TXNL4A: variants seen among roughly 807,000 people sequenced by gnomAD.
TXNL4A encodes thioredoxin-like protein 4A.
A neutral mutation model predicts 14.6 loss-of-function variants in TXNL4A; 17 were observed. That is an observed-to-expected ratio of 1.16 (90% CI 0.80 to 1.74). TXNL4A has a LOEUF of 1.74. Ranked by LOEUF, TXNL4A falls within the 40% of genes most tolerant of loss-of-function variation. The pLI is 0.00. For synonymous variants in TXNL4A, 83 were observed against 70.6 expected (o/e 1.18, Z -0.88); for missense variants, 74 against 195.2 (o/e 0.38, Z 3.70).
chr18:80,019,998 C>T (rs7236770), intron 1 of TXNL4A, among the ~76,000 whole-genome samples: 10 of 152,218 alleles, frequency 6.6e-5, no homozygotes, highest in African/African-American at 1.7e-4. Context: ...AATTGTAACT[C>T]CCACAATTCC....
At chr18:80,021,030 GATA>G (rs1341703718) in intron 1 of TXNL4A, among the ~76,000 whole-genome samples, 5 of 152,098 alleles carry the variant, frequency 3.3e-5, no homozygotes, top group African/African-American at 1.2e-4. Flanking sequence ...GGGCACAGAG[GATA>G]ATATTATATA....
Position 79,982,493 on chromosome 18 carries a change from T to G in TXNL4A, c.154-4792A>C, listed in dbSNP as rs2051479253. Among the ~76,000 whole-genome samples, 1 of 152,076 alleles carries G rather than the reference T, an allele frequency of 6.6e-6. No homozygotes were observed. Among genetic ancestry groups the G allele is most frequent in the South Asian group, 2.1e-4 (1 of 4,828 alleles). On this transcript the variant is annotated intron_variant, in intron 1 of 2. Coordinates refer to ENST00000269601, the MANE Select transcript of TXNL4A (RefSeq NM_006701.5). The surrounding 1 kb of genome is among the most constrained non-coding windows in gnomAD (Gnocchi z 4.0). ...CAGTGATCCCAGCCAGGGTGGCAGG[T>G]GCCAGGCTTGGGAGTGAGTGCAGAA...
chr18:80,030,199 G>C (rs1433013281), intron 1 of TXNL4A, among the ~76,000 whole-genome samples: 3 of 152,190 alleles, frequency 2.0e-5, no homozygotes, highest in Non-Finnish European at 4.4e-5. Flanking sequence ...AACAGCTGTT[G>C]TGGACTGCTT....
At chr18:79,997,395 C>A (rs1199987599) in intron 1 of TXNL4A, among the ~76,000 whole-genome samples, 1 of 148,540 alleles carries the variant, frequency 6.7e-6, no homozygotes, top group Admixed American at 6.8e-5. Flanking sequence ...AAAACAAAAA[C>A]AAAAAAAAAC....
At chr18:80,003,724 G>C (rs2051711835) in intron 1 of TXNL4A, among the ~76,000 whole-genome samples, 2 of 152,130 alleles carry the variant, frequency 1.3e-5, no homozygotes, top group Admixed American at 6.5e-5. Flanking sequence ...CTGAGAATAG[G>C]TAATTCATAA....
intron 1 of TXNL4A, among the ~76,000 whole-genome samples, chr18:79,981,470 G>A (rs2051462410): frequency 1.3e-5 from 2 of 152,156 alleles, no homozygotes; most frequent in South Asian, 2.1e-4. Flanking sequence ...TCAGGAGTTC[G>A]AGACCAACCT....
chr18:80,021,751 T>C (rs1341632618), intron 1 of TXNL4A, among the ~76,000 whole-genome samples: 1 of 152,252 alleles, frequency 6.6e-6, no homozygotes, highest in Non-Finnish European at 1.5e-5. Flanking sequence ...TTTTAATTTA[T>C]TCATAATGGC....
intron 1 of TXNL4A, among the ~76,000 whole-genome samples, chr18:80,012,041 G>A (rs2051773499): frequency 6.6e-6 from 1 of 152,080 alleles, no homozygotes; most frequent in Non-Finnish European, 1.5e-5. Flanking sequence ...TGGAGCTAAA[G>A]AGCTCTGGAC....
chr18:79,983,958 C>T (rs979962082), intron 1 of TXNL4A, among the ~76,000 whole-genome samples: 1 of 151,956 alleles, frequency 6.6e-6, no homozygotes, highest in Non-Finnish European at 1.5e-5. Context: ...AACACCACTC[C>T]TCATACCTTG....
At chr18:80,007,372 G>A (rs1373383986) in intron 1 of TXNL4A, among the ~76,000 whole-genome samples, 3 of 152,240 alleles carry the variant, frequency 2.0e-5, no homozygotes, top group Non-Finnish European at 4.4e-5. Context: ...GATTGACTGA[G>A]CAATCTAGGG....
chr18:80,026,511 A>G (rs1343683042), intron 1 of TXNL4A, among the ~76,000 whole-genome samples: 1 of 152,228 alleles, frequency 6.6e-6, no homozygotes, highest in African/African-American at 2.4e-5. Flanking sequence ...GGAGATTAAT[A>G]TAATAACCAT....
chr18:80,015,236 G>A (rs998654565), intron 1 of TXNL4A, among the ~76,000 whole-genome samples: 1 of 151,818 alleles, frequency 6.6e-6, no homozygotes, highest in South Asian at 2.1e-4. Flanking sequence ...TCTGCAGCCA[G>A]CTTGAATTTC....
intron 1 of TXNL4A, among the ~76,000 whole-genome samples, chr18:79,980,215 T>C (rs1054546707): frequency 3.3e-5 from 5 of 152,200 alleles, no homozygotes; most frequent in African/African-American, 1.2e-4. Context: ...GGACTCTCCT[T>C]GGCAGGTTTC....
intron 1 of TXNL4A, among the ~76,000 whole-genome samples, chr18:79,979,859 T>C (rs2051436867): frequency 6.6e-6 from 1 of 152,258 alleles, no homozygotes; most frequent in Non-Finnish European, 1.5e-5. Context: ...TATGACATTT[T>C]AAAGGCTCTT....
intron 1 of TXNL4A, among the ~76,000 whole-genome samples, chr18:80,027,938 G>A (rs1050154114): frequency 2.6e-5 from 4 of 152,168 alleles, no homozygotes; most frequent in Admixed American, 6.5e-5. Flanking sequence ...GTAGAAACTG[G>A]ATACCAAATT....
In TXNL4A at chr18:79,981,733, A is replaced by G. The variant is rs115020202; in HGVS notation, c.154-4032T>C. Among the ~76,000 whole-genome samples the G allele has an allele frequency of 4.0e-3, 605 of 152,342 alleles. 5 individuals are homozygous for G. Among genetic ancestry groups the G allele is most frequent in the African/African-American group, 0.014 (570 of 41,574 alleles). On this transcript the variant is annotated intron_variant, in intron 1 of 2. Coordinates refer to ENST00000269601, the MANE Select transcript of TXNL4A (RefSeq NM_006701.5). Reference sequence around the variant, plus strand: ...AGTAACTGTAACTTTAAAGATACAAATGTGACTCTCCTTTTGCCTTCAAGC... The same window carrying G: ...AGTAACTGTAACTTTAAAGATACAAGTGTGACTCTCCTTTTGCCTTCAAGC...
At chr18:79,973,996 C>T (rs927537593) in intron 2 of TXNL4A, 140 bp from the exon 3 acceptor site, 1 of 1,155,928 alleles carries the variant, frequency 8.7e-7, no homozygotes. Flanking sequence ...GAGTGTATGC[C>T]ATGATGCAGG....
In TXNL4A at chr18:80,011,643, C is replaced by G. The variant is rs1010640641; in HGVS notation, c.-61+22208G>C. On this transcript the variant is annotated intron_variant, in intron 1 of 2. Transcript: ENST00000585474. This position sits in a 1 kb window ranked among gnomAD's most constrained non-coding sequence, Gnocchi z 4.1. ...CCTTCATGTCTTTATGCCCCGAGAGCACAACCGCTCGGCGGCATTCCACAG... is the reference window on the plus strand; with the variant it reads ...CCTTCATGTCTTTATGCCCCGAGAGGACAACCGCTCGGCGGCATTCCACAG... Among the ~76,000 whole-genome samples the G allele has an allele frequency of 6.6e-6, 1 of 152,158 alleles. No individual in the cohort carries two copies. The highest frequency in any genetic ancestry group is 1.5e-5 in the Non-Finnish European group (1 of 68,030).
rs1464968447 is a variant in TXNL4A at position 80,011,771 on chromosome 18, G to A, written c.-61+22080C>T. 6.6e-6 allele frequency among the ~76,000 whole-genome samples: 1 copy of A among 151,990 alleles called. No homozygotes were observed. The highest frequency in any genetic ancestry group is 2.1e-4 in the South Asian group (1 of 4,802). On this transcript the variant is annotated intron_variant, in intron 1 of 2. Coordinates refer to the TXNL4A transcript ENST00000585474. The surrounding 1 kb of genome is among the most constrained non-coding windows in gnomAD (Gnocchi z 4.1). ...ACCTTTTCCGTCCCTATAAGTTAAA[G>A]ATCTTTTTTTTTTAAGAACTATATA...
Sources: allele counts gnomAD v4.1 joint callset (sites outside exome capture counted in the v4.1 genomes callset), GRCh38; gene constraint gnomAD v4.1.1; non-coding constraint Gnocchi (gnomAD v3.1); transcripts MANE v1.5; gene names NCBI Gene and HGNC (gene_info 2026-07-23, HGNC 2026-07-21).